The following MPHOSPH8 variants were observed in gnomAD, a reference collection of about 807,000 sequenced individuals.
MPHOSPH8 encodes M-phase phosphoprotein, mpp.
MPHOSPH8 carries 45 observed loss-of-function variants against 87.3 expected under a neutral mutation model. The observed-to-expected ratio is 0.52, with a 90% confidence interval of 0.41 to 0.66. MPHOSPH8 has a LOEUF of 0.66. Ranked by LOEUF, MPHOSPH8 falls within the 30% of genes least tolerant of loss-of-function variation. The probability of loss-of-function intolerance (pLI) is 0.00; values close to 1 mark genes in which losing one functional copy is unlikely to be tolerated. For missense variants in MPHOSPH8, 883 were observed against 1,020.2 expected (o/e 0.87, Z 1.83); for synonymous variants, 366 against 376.9 (o/e 0.97, Z 0.33).
At chr13:19,648,602 A>G in intron 4 of MPHOSPH8, 81 bp downstream of exon 4, 2 of 577,440 alleles carry the variant, frequency 3.5e-6, no homozygotes, top group East Asian at 8.2e-5. Flanking sequence ...TATTATATAA[A>G]AATTTATATA....
chr13:19,671,438 T>C, intron 13 of MPHOSPH8, 149 bp downstream of exon 13: 1 of 668,368 alleles, frequency 1.5e-6, no homozygotes, highest in Non-Finnish European at 2.6e-6. Flanking sequence ...GTGCACCCTC[T>C]CTCAGTTTAC....
chr13:19,643,770 C>T (rs1054544106), intron 2 of MPHOSPH8, among the ~76,000 whole-genome samples: 3 of 152,094 alleles, frequency 2.0e-5, no homozygotes, highest in Admixed American at 6.6e-5. Context: ...TGTGTCCTGG[C>T]GCTCCCACTC....
At chr13:19,653,347 TAACA>T (rs1237058661) in intron 5 of MPHOSPH8, among the ~76,000 whole-genome samples, 2 of 152,112 alleles carry the variant, frequency 1.3e-5, no homozygotes, top group Non-Finnish European at 2.9e-5. Flanking sequence ...GAAGGAAAAC[TAACA>T]AACAGAAAGG....
chr13:19,668,840 T>C (rs1276902004), intron 11 of MPHOSPH8, among the ~76,000 whole-genome samples: 2 of 152,198 alleles, frequency 1.3e-5, no homozygotes, highest in Non-Finnish European at 2.9e-5. Flanking sequence ...ATTTTGTTGT[T>C]TGTAATAGTC....
At chr13:19,659,435 A>T (rs1207728862) in intron 7 of MPHOSPH8, 146 bp downstream of exon 7, 2 of 673,726 alleles carry the variant, frequency 3.0e-6, no homozygotes, top group Non-Finnish European at 5.0e-6. Flanking sequence ...AGGCCGAGGC[A>T]GGAGGATTGC....
At chr13:19,665,310 G>C (rs1005557129) in intron 9 of MPHOSPH8, among the ~76,000 whole-genome samples, 2 of 152,178 alleles carry the variant, frequency 1.3e-5, no homozygotes, top group African/African-American at 2.4e-5. Flanking sequence ...AGAATGAGAA[G>C]ATGTAAACAT....
In MPHOSPH8 at chr13:19,661,679, A is replaced by T. The variant is rs1593486375; in HGVS notation, c.1792-19A>T. ...CTGACTAAAGATTAACACGTTTTTT[A>T]TTTAACAAACCAACACAGGATTCCA... On this transcript the variant is annotated intron_variant, in intron 7 of 13. Coordinates refer to ENST00000361479, the MANE Select transcript of MPHOSPH8 (RefSeq NM_017520.4). The T allele has an allele frequency of 6.4e-7, 1 of 1,569,138 alleles. No individual in the cohort carries two copies. The highest frequency in any genetic ancestry group is 1.4e-5 in the African/African-American group (1 of 73,266).
At chr13:19,668,254 C>T (rs1196727871) in intron 10 of MPHOSPH8, 123 bp from the exon 11 acceptor site, 40 of 757,802 alleles carry the variant, frequency 5.3e-5, no homozygotes, top group South Asian at 4.8e-4. Flanking sequence ...AGCTGGAAAG[C>T]GGAGGCAGGC....
chr13:19,658,866 A>G (rs749892834), intron 5 of MPHOSPH8, 129 bp from the exon 6 acceptor site: 134 of 1,152,660 alleles, frequency 1.2e-4, no homozygotes, highest in Non-Finnish European at 1.6e-4. Flanking sequence ...AAAAGACCCC[A>G]TTATACAATG....
At chr13:19,639,561 G>A (rs1012624386) in intron 1 of MPHOSPH8, among the ~76,000 whole-genome samples, 4 of 151,794 alleles carry the variant, frequency 2.6e-5, no homozygotes, top group Non-Finnish European at 4.4e-5. Context: ...CACCTGCCTC[G>A]GCCTCCCAAA....
chr13:19,663,910 G>C (rs1440596116), intron 9 of MPHOSPH8, among the ~76,000 whole-genome samples: 1 of 152,186 alleles, frequency 6.6e-6, no homozygotes, highest in Non-Finnish European at 1.5e-5. Context: ...GCCAGGCCCT[G>C]GGTCTGCAGG....
Position 19,659,390 on chromosome 13 carries a change from G to T in MPHOSPH8, c.1791+101G>T, listed in dbSNP as rs550800007. On this transcript the variant is annotated intron_variant, in intron 7 of 13. Transcript: ENST00000361479. ...TTATTTTAATTACAAAAGGCTGGGC[G>T]TGGTGGTGCACACCTGTAATCCCAG... is the stretch of plus-strand genomic sequence containing the variant. 24 of 980,132 alleles carry T rather than the reference G, an allele frequency of 2.4e-5. No homozygotes were observed. In the East Asian group the frequency reaches 5.2e-4, roughly 21 times the overall value. 60.7% of individuals were successfully genotyped at this position (980,132 alleles called of 1,614,324 possible).
At position 19,633,937 on chromosome 13, in the gene MPHOSPH8, G is replaced by A. The variant is rs149968142; in HGVS notation, c.189G>A (p.Lys63=). 60 of 1,610,332 alleles carry A rather than the reference G, an allele frequency of 3.7e-5. No homozygotes were observed. The Middle Eastern group carries it at 4.9e-4, about 13-fold the overall frequency. The change falls in exon 1 of 14, where the codon AAG becomes AAA. Residue 63 remains lysine (K), a synonymous_variant. Coordinates refer to ENST00000361479, the MANE Select transcript of MPHOSPH8 (RefSeq NM_017520.4). ...EDGEDVFEVE[K]ILDMKTEGGK... ...GAGAGGATGTGTTCGAGGTGGAGAA[G>A]ATCCTGGACATGAAGACCGAGGGGG...
chr13:19,660,201 C>T lies in MPHOSPH8; in HGVS notation c.1791+912C>T, dbSNP rs557181817. On this transcript the variant is annotated intron_variant, in intron 7 of 13. Coordinates refer to ENST00000361479, the MANE Select transcript of MPHOSPH8 (RefSeq NM_017520.4). ...GCCAGGATGGTCTCGATCTCCTGAC[C>T]TTGTGATCTGCCTGCCTCCGCCTCC... Among the ~76,000 whole-genome samples, 4 of 151,730 alleles carry T rather than the reference C, an allele frequency of 2.6e-5. No homozygotes were observed. In the East Asian group the frequency reaches 5.8e-4, roughly 22 times the overall value.
chr13:19,643,771 G>A (rs548418510), intron 2 of MPHOSPH8, among the ~76,000 whole-genome samples: 34 of 151,948 alleles, frequency 2.2e-4, no homozygotes, highest in South Asian at 6.3e-4. Flanking sequence ...GTGTCCTGGC[G>A]CTCCCACTCA....
intron 11 of MPHOSPH8, 29 bp downstream of exon 11, chr13:19,668,560 C>A: frequency 6.3e-7 from 1 of 1,594,760 alleles, no homozygotes; most frequent in East Asian, 2.2e-5. Flanking sequence ...TCACACTTTT[C>A]TATGTGAAGT....
In MPHOSPH8 at chr13:19,650,072, A is replaced by T; in HGVS notation, c.1388A>T (p.Glu463Val). The change falls in exon 5 of 14, where the codon GAG (glutamate) becomes GTG (valine). Residue 463 changes from glutamate to valine, a missense_variant. This residue lies in a region of MPHOSPH8 where 741 missense variants were observed against 841.5 expected (regional missense o/e 0.88). Transcript: ENST00000361479. ...LTPEEKNDVS[E>V]NNRKREEIPL... ...CCAGAAGAAAAAAATGATGTTTCTG[A>T]GAATAATCGGAAAAGGGAAGAAATA... The T allele has an allele frequency of 1.2e-6, 2 of 1,612,342 alleles. No individual in the cohort carries two copies. The highest frequency in any genetic ancestry group is 1.7e-6 in the Non-Finnish European group (2 of 1,179,202).
intron 1 of MPHOSPH8, 60 bp from the exon 2 acceptor site, chr13:19,642,055 T>TTTGGAAA: frequency 8.7e-7 from 1 of 1,143,090 alleles, no homozygotes; most frequent in Non-Finnish European, 1.1e-6. Flanking sequence ...TTTTTTTTTT[T>TTTGGAAA]TGGAAATTTA....
Position 19,640,513 on chromosome 13 carries a change from C to A in MPHOSPH8, c.214-1602C>A, listed in dbSNP as rs1021976681. On this transcript the variant is annotated intron_variant, in intron 1 of 13. Coordinates refer to ENST00000361479, the MANE Select transcript of MPHOSPH8 (RefSeq NM_017520.4). ...AGCATTTTTTCTGGAAGGCATTTGG[C>A]AGTGTGTTTTAATCTTTAAATGGCT... Among the ~76,000 whole-genome samples the A allele has an allele frequency of 2.7e-5, 4 of 150,796 alleles. No homozygotes were observed. In the East Asian group the frequency reaches 7.7e-4, roughly 29 times the overall value.
Sources: gnomAD v4.1 joint callset for allele counts (sites outside exome capture counted in the v4.1 genomes callset) on GRCh38, gnomAD v4.1.1 for gene constraint, gnomAD v4.1.1 regional missense constraint, MANE v1.5 for transcripts, NCBI Gene and HGNC (gene_info 2026-07-23, HGNC 2026-07-21) for gene names.